The following NEK3 variants were observed in gnomAD, a reference collection of about 807,000 sequenced individuals.
NEK3 encodes the protein serine/threonine-protein kinase Nek3.
In NEK3, 54 loss-of-function variants were observed where a neutral mutation model predicts 66.0. The ratio of observed to expected loss-of-function variants is 0.82; its 90% CI spans 0.66 to 1.03. NEK3 has a LOEUF of 1.03. Ranked by LOEUF, NEK3 falls within the 50% of genes least tolerant of loss-of-function variation. The pLI is 0.00. For missense variants in NEK3, 593 were observed against 603.0 expected (o/e 0.98, Z 0.17); for synonymous variants, 200 against 206.2 (o/e 0.97, Z 0.26).
chr13:52,141,751 C>G (rs1956251765), intron 10 of NEK3, among the ~76,000 whole-genome samples: 1 of 102,524 alleles, frequency 9.8e-6, no homozygotes, highest in Non-Finnish European at 2.5e-5. Context: ...TGGCATTTCT[C>G]TAACTACTTA....
chr13:52,143,214 G>A (rs563672145), intron 10 of NEK3, among the ~76,000 whole-genome samples: 2 of 152,120 alleles, frequency 1.3e-5, no homozygotes, highest in Non-Finnish European at 2.9e-5. Context: ...TACTTGGGAG[G>A]CTGAGGCAAG....
intron 8 of NEK3, 85 bp from the exon 9 acceptor site, chr13:52,144,976 T>G: frequency 1.1e-6 from 1 of 891,678 alleles, no homozygotes; most frequent in Non-Finnish European, 1.8e-6. Flanking sequence ...TTATTCTAAT[T>G]TTATAAACAT....
At chr13:52,144,245 C>T (rs553308760) in intron 9 of NEK3, among the ~76,000 whole-genome samples, 1 of 152,250 alleles carries the variant, frequency 6.6e-6, no homozygotes, top group African/African-American at 2.4e-5. Context: ...GAAACCCCGT[C>T]TCTACTAAAA....
In NEK3 at chr13:52,132,913, G is replaced by A. The variant is rs1956165516; in HGVS notation, c.*229C>T. 4.2e-6 allele frequency: 2 copies of A among 475,826 alleles called. No individual in the cohort carries two copies. The highest frequency in any genetic ancestry group is 7.5e-6 in the Non-Finnish European group (2 of 265,162). The allele number at this position is 475,826 out of a possible 1,614,324, so 29.5% of individuals were successfully genotyped here. A position where few individuals can be genotyped will look rare whatever the true frequency, so the allele number is the denominator to read the frequency against. On this transcript the variant is annotated 3_prime_UTR_variant, in exon 16 of 16. Coordinates refer to ENST00000610828, the MANE Select transcript of NEK3 (RefSeq NM_002498.3). ...GTTCTATGGGACTGCAAAGCCCGAT[G>A]CTCACACTCATTCCACTATACCTTC...
At chr13:52,136,063 A>G in intron 13 of NEK3, 53 bp downstream of exon 13, 1 of 1,595,072 alleles carries the variant, frequency 6.3e-7, no homozygotes, top group South Asian at 1.1e-5. Context: ...GCACTAAGTA[A>G]CTATTAGAAA....
intron 11 of NEK3, among the ~76,000 whole-genome samples, chr13:52,139,311 T>C (rs1490509107): frequency 3.3e-5 from 5 of 152,282 alleles, no homozygotes; most frequent in Admixed American, 2.0e-4. Flanking sequence ...AGGACAAATA[T>C]TGTATGATTC....
At chr13:52,140,976 G>A (rs750549866) in intron 11 of NEK3, 44 bp downstream of exon 11, 30 of 1,512,054 alleles carry the variant, frequency 2.0e-5, no homozygotes, top group South Asian at 2.5e-5. Context: ...CACCACGCCC[G>A]GCCACCGCGC....
At chr13:52,146,268 G>A (rs1187083532) in intron 8 of NEK3, among the ~76,000 whole-genome samples, 1 of 152,026 alleles carries the variant, frequency 6.6e-6, no homozygotes, top group Non-Finnish European at 1.5e-5. Context: ...TTTTTAAAAA[G>A]TGTATTGTCC....
chr13:52,134,989 T>C (rs1157142772), intron 14 of NEK3, among the ~76,000 whole-genome samples: 6 of 152,196 alleles, frequency 3.9e-5, no homozygotes. Context: ...AACTACATCG[T>C]TGCAATAAAT....
At chr13:52,155,774 T>A (rs1956389971) in intron 2 of NEK3, among the ~76,000 whole-genome samples, 1 of 152,186 alleles carries the variant, frequency 6.6e-6, no homozygotes, top group South Asian at 2.1e-4. Context: ...CCTCCCAGGT[T>A]AGGGTGATTC....
At chr13:52,156,416 G>A (rs1956396912) in intron 1 of NEK3, 168 bp from the exon 2 acceptor site, 1 of 364,042 alleles carries the variant, frequency 2.7e-6, no homozygotes, top group East Asian at 5.1e-5. Context: ...GAATTGTTTT[G>A]AGCTGAAACC....
At chr13:52,153,796 G>T (rs1956367135) in intron 4 of NEK3, 99 bp downstream of exon 4, 9 of 778,100 alleles carry the variant, frequency 1.2e-5, no homozygotes, top group African/African-American at 1.7e-5. Flanking sequence ...ACCTTCTCGG[G>T]TAATTACAGA....
rs572549054 is a variant in NEK3 at position 52,156,511 on chromosome 13, G to A, written c.-57-263C>T. 1.1e-4 allele frequency: 21 copies of A among 194,954 alleles called. No individual in the cohort carries two copies. In the South Asian group the frequency reaches 2.0e-3, roughly 18 times the overall value. 12.1% of individuals were successfully genotyped at this position (194,954 alleles called of 1,614,324 possible). A position where few individuals can be genotyped will look rare whatever the true frequency, so the allele number is the denominator to read the frequency against. The stretch of plus-strand genomic sequence containing the variant: ...AGGTAATAAATATCCATTTGTAAAT[G>A]TGTCTTCCTTTCCAGTACCAGGAAG... On this transcript the variant is annotated intron_variant, in intron 1 of 15. Transcript: ENST00000610828.
intron 9 of NEK3, 23 bp from the exon 10 acceptor site, chr13:52,144,010 T>C (rs1343466095): frequency 4.5e-6 from 6 of 1,342,186 alleles, no homozygotes; most frequent in Non-Finnish European, 6.2e-6. Flanking sequence ...GTTGAGAATT[T>C]AGAGATGTGA....
intron 11 of NEK3, among the ~76,000 whole-genome samples, chr13:52,137,992 A>G (rs1956218500): frequency 6.6e-6 from 1 of 152,246 alleles, no homozygotes; most frequent in African/African-American, 2.4e-5. Flanking sequence ...GATCATCTGC[A>G]AAGGGCACAA....
chr13:52,137,532 TTTC>T (rs1400094406), intron 11 of NEK3, among the ~76,000 whole-genome samples: 1 of 152,202 alleles, frequency 6.6e-6, no homozygotes, highest in Non-Finnish European at 1.5e-5. Flanking sequence ...CATGGCGGGT[TTTC>T]TTATTTCTAA....
At position 52,133,643 on chromosome 13, in the gene NEK3, A is replaced by ACACC. The variant is rs1956175573; in HGVS notation, c.1436+42_1436+45dup. 4 of 1,540,324 alleles carry ACACC rather than the reference A, an allele frequency of 2.6e-6. No homozygotes were observed. The African/African-American group carries it at 4.2e-5, about 16-fold the overall frequency. Reference sequence around the variant, plus strand: ...CACACACACACACACACACACACACACACCCCCAACCCCAGCTACAGCTTT... The same window carrying ACACC: ...CACACACACACACACACACACACACACACCCACCCCCAACCCCAGCTACAGCTTT... On this transcript the variant is annotated intron_variant, in intron 15 of 15. Coordinates refer to ENST00000610828, the MANE Select transcript of NEK3 (RefSeq NM_002498.3).
chr13:52,157,938 T>A (rs539460472), intron 1 of NEK3, among the ~76,000 whole-genome samples: 1 of 152,340 alleles, frequency 6.6e-6, no homozygotes, highest in South Asian at 2.1e-4. Context: ...AGTGCAATGG[T>A]GCGATCTCGG....
intron 4 of NEK3, among the ~76,000 whole-genome samples, chr13:52,153,588 T>G (rs9526842): frequency 0.45 from 68,143 of 151,946 alleles, 18,016 homozygotes; most frequent in Non-Finnish European, 0.59. Context: ...CTTCTAAAAT[T>G]TCAGTACGAT....
Sources: gnomAD v4.1 joint callset for allele counts (sites outside exome capture counted in the v4.1 genomes callset) on GRCh38, gnomAD v4.1.1 for gene constraint, MANE v1.5 for transcripts, NCBI Gene and HGNC (gene_info 2026-07-23, HGNC 2026-07-21) for gene names.